Variants in RAI1 observed in about 807,000 individuals in gnomAD.
RAI1 encodes the protein retinoic acid induced 1.
RAI1 carries 9 observed loss-of-function variants against 123.8 expected under a neutral mutation model. The ratio of observed to expected loss-of-function variants is 0.07; its 90% CI spans 0.04 to 0.13. The LOEUF is 0.13. Among genes scored for constraint, RAI1 ranks in the 10% least tolerant of loss-of-function variants. The pLI, the probability that RAI1 is intolerant of heterozygous loss-of-function variation, is 1.00. For missense variants in RAI1, 2,256 were observed against 2,545.8 expected (o/e 0.89, Z 2.45); for synonymous variants, 1,231 against 1,127.3 (o/e 1.09, Z -1.84).
chr17:17,773,998 T>C (rs964783844), intron 2 of RAI1, among the ~76,000 whole-genome samples: 1 of 152,094 alleles, frequency 6.6e-6, no homozygotes, highest in African/African-American at 2.4e-5. Flanking sequence ...AGGTAAGTAA[T>C]TACTTACCTA....
In RAI1 at chr17:17,793,119, G is replaced by T. The variant is rs963548984; in HGVS notation, c.171G>T (p.Pro57=). 3 of 1,613,858 alleles carry T rather than the reference G, an allele frequency of 1.9e-6. No individual in the cohort carries two copies. The African/African-American group carries it at 4.0e-5, about 22-fold the overall frequency. ...ACTATTATAACCCGCAGCCTTACCCGAGCTATGAGGGTGGCGCTGGCACGC... is the reference window on the plus strand; with the variant it reads ...ACTATTATAACCCGCAGCCTTACCCTAGCTATGAGGGTGGCGCTGGCACGC... The part of the protein sequence containing the change: ...AKDYYNPQPY[P]SYEGGAGTPS... The change falls in exon 3 of 6, where the codon CCG becomes CCT. Residue 57 remains proline, a synonymous_variant. Coordinates refer to ENST00000353383, the MANE Select transcript of RAI1 (RefSeq NM_030665.4).
intron 2 of RAI1, among the ~76,000 whole-genome samples, chr17:17,769,514 T>C (rs928237973): frequency 6.6e-6 from 1 of 152,186 alleles, no homozygotes; most frequent in Non-Finnish European, 1.5e-5. Context: ...GGCGTCATAA[T>C]GAAGGAGCGA....
intron 2 of RAI1, among the ~76,000 whole-genome samples, chr17:17,743,817 G>A (rs139102172): frequency 6.6e-6 from 1 of 152,348 alleles, no homozygotes; most frequent in East Asian, 1.9e-4. Context: ...TCCCTTCCAG[G>A]ATCAGGAACT....
chr17:17,748,549 G>A (rs1205752685), intron 2 of RAI1, among the ~76,000 whole-genome samples: 3 of 152,236 alleles, frequency 2.0e-5, no homozygotes, highest in African/African-American at 2.4e-5. Context: ...AATAGCTTCC[G>A]TATGTTAGCA....
chr17:17,735,141 C>A (rs1916387874), intron 2 of RAI1, among the ~76,000 whole-genome samples: 1 of 152,018 alleles, frequency 6.6e-6, no homozygotes, highest in African/African-American at 2.4e-5. Context: ...CAACCTCTGC[C>A]TCCCGGGTTC....
At chr17:17,737,561 A>T (rs1916475228) in intron 2 of RAI1, among the ~76,000 whole-genome samples, 1 of 152,148 alleles carries the variant, frequency 6.6e-6, no homozygotes, top group African/African-American at 2.4e-5. Context: ...CAGTGACTGA[A>T]TGGTTAAATT....
In RAI1 at chr17:17,798,099, A is replaced by G; in HGVS notation, c.5151A>G (p.Pro1717=). 6.2e-7 allele frequency: 1 copy of G among 1,614,024 alleles called. No homozygotes were observed. Among genetic ancestry groups the G allele is most frequent in the South Asian group, 1.1e-5 (1 of 91,084 alleles). The part of the protein sequence containing the change: ...YPEHCLPKKK[P]KLKEKVRPEG... Reference sequence around the variant, plus strand: ...AACACTGCCTCCCCAAAAAGAAGCCAAAACTCAAGGAGAAGGTGCGGCCAG... The same window carrying G: ...AACACTGCCTCCCCAAAAAGAAGCCGAAACTCAAGGAGAAGGTGCGGCCAG... The change falls in exon 3 of 6, where the codon CCA becomes CCG. Residue 1717 remains proline (P), a synonymous_variant. Coordinates refer to ENST00000353383, the MANE Select transcript of RAI1 (RefSeq NM_030665.4).
chr17:17,795,202 G>C lies in RAI1; in HGVS notation c.2254G>C (p.Gly752Arg). The change falls in exon 3 of 6, where the codon GGG becomes CGG. Residue 752 changes from glycine (G) to arginine (R), a missense_variant. This residue lies in a region of RAI1 where 566 missense variants were observed against 616.0 expected (regional missense o/e 0.92). Coordinates refer to ENST00000353383, the MANE Select transcript of RAI1 (RefSeq NM_030665.4). The surrounding 1 kb of genome is among the most constrained non-coding windows in gnomAD (Gnocchi z 5.9). ...CTTTGCCTGGCCAGAGGAAAACCTGGGGGATGCTTGTCCCAGGTGGGGATT... is the reference window on the plus strand; with the variant it reads ...CTTTGCCTGGCCAGAGGAAAACCTGCGGGATGCTTGTCCCAGGTGGGGATT... ...NPFAWPEENL[G>R]DACPRWGLHP... is the part of the protein sequence containing the mutation. 1 of 1,614,018 alleles carries C rather than the reference G, an allele frequency of 6.2e-7. No homozygotes were observed. The highest frequency in any genetic ancestry group is 1.1e-5 in the South Asian group (1 of 91,078).
At chr17:17,769,642 AG>A (rs1222031402) in intron 2 of RAI1, among the ~76,000 whole-genome samples, 1 of 152,144 alleles carries the variant, frequency 6.6e-6, no homozygotes, top group African/African-American at 2.4e-5. Context: ...GACCTGTGGC[AG>A]TGAGGATGGG....
At chr17:17,766,567 G>A (rs1302687400) in intron 2 of RAI1, among the ~76,000 whole-genome samples, 1 of 152,200 alleles carries the variant, frequency 6.6e-6, no homozygotes, top group African/African-American at 2.4e-5. Context: ...CAGCACTGGG[G>A]CGTGCTGGGG....
chr17:17,802,943 G>A (rs1029300889), intron 3 of RAI1, among the ~76,000 whole-genome samples: 4 of 152,042 alleles, frequency 2.6e-5, no homozygotes, highest in Non-Finnish European at 1.5e-5. Context: ...AATTAGCTGG[G>A]CATGGCAGCA....
At chr17:17,709,907 A>G (rs1361517139) in intron 1 of RAI1, among the ~76,000 whole-genome samples, 2 of 152,196 alleles carry the variant, frequency 1.3e-5, no homozygotes, top group East Asian at 1.9e-4. Context: ...AAACCTGCAC[A>G]GCAGACAGGC....
At chr17:17,751,743 T>C (rs1457133843) in intron 2 of RAI1, among the ~76,000 whole-genome samples, 2 of 152,186 alleles carry the variant, frequency 1.3e-5, no homozygotes, top group Non-Finnish European at 2.9e-5. Flanking sequence ...CCTTAGAGTC[T>C]TCTCTCAAAT....
At chr17:17,767,268 T>TA (rs1450299800) in intron 2 of RAI1, among the ~76,000 whole-genome samples, 1 of 152,202 alleles carries the variant, frequency 6.6e-6, no homozygotes, top group Non-Finnish European at 1.5e-5. Flanking sequence ...ATTATTGTGT[T>TA]ATGCTCTGGA....
chr17:17,704,255 G>A (rs919083309), intron 1 of RAI1, among the ~76,000 whole-genome samples: 9 of 152,234 alleles, frequency 5.9e-5, no homozygotes, highest in Non-Finnish European at 1.0e-4. Context: ...TTGAAGTCTC[G>A]TTTCAGCCCT....
intron 2 of RAI1, among the ~76,000 whole-genome samples, chr17:17,726,511 T>G (rs1054827544): frequency 6.6e-6 from 1 of 152,232 alleles, no homozygotes; most frequent in Non-Finnish European, 1.5e-5. Flanking sequence ...GTTTCCGTTT[T>G]CAAGAACCTT....
intron 2 of RAI1, among the ~76,000 whole-genome samples, chr17:17,751,698 C>T (rs928964788): frequency 6.6e-5 from 10 of 152,228 alleles, no homozygotes; most frequent in African/African-American, 2.4e-4. Flanking sequence ...CTGCAGTGCT[C>T]TTCCTGGAGA....
rs138657071 is a variant in RAI1 at position 17,767,886 on chromosome 17, G to A, written c.-16-25047G>A. Among the ~76,000 whole-genome samples the A allele has an allele frequency of 4.8e-3, 731 of 152,244 alleles. 3 individuals are homozygous for A. The highest frequency in any genetic ancestry group is 8.0e-3 in the Admixed American group (123 of 15,306). ...GCACTGCCACCAAGTACGTAGTTGA[G>A]CCGGTAAGCTCAGAAACGTGGGCTC... On this transcript the variant is annotated intron_variant, in intron 2 of 5. Coordinates refer to ENST00000353383, the MANE Select transcript of RAI1 (RefSeq NM_030665.4).
intron 1 of RAI1, among the ~76,000 whole-genome samples, chr17:17,710,238 C>CA (rs1042041228): frequency 2.6e-5 from 4 of 151,968 alleles, no homozygotes; most frequent in Admixed American, 2.6e-4. Context: ...GCTTTAGCCA[C>CA]AAAAAAAGAG....
Sources: allele counts gnomAD v4.1 joint callset (sites outside exome capture counted in the v4.1 genomes callset), GRCh38; gene constraint gnomAD v4.1.1; regional missense constraint gnomAD v4.1.1; non-coding constraint Gnocchi (gnomAD v3.1); transcripts MANE v1.5; gene names NCBI Gene and HGNC (gene_info 2026-07-23, HGNC 2026-07-21).